The following FTO variants were observed in gnomAD, a reference collection of about 807,000 sequenced individuals.
FTO encodes the protein FTO alpha-ketoglutarate dependent dioxygenase, also known as alpha-ketoglutarate-dependent dioxygenase FTO.
Under a neutral mutation model 63.9 loss-of-function variants are expected in FTO, and 47 were observed. The observed-to-expected ratio is 0.74, with a 90% CI of 0.58 to 0.94. The LOEUF (loss-of-function observed/expected upper bound fraction) is 0.94. Among genes scored for constraint, FTO ranks in the 40% least tolerant of loss-of-function variants. The pLI, the probability that FTO is intolerant of heterozygous loss-of-function variation, is 0.00. For missense variants in FTO, 562 were observed against 618.1 expected (o/e 0.91, Z 0.96); for synonymous variants, 207 against 224.4 (o/e 0.92, Z 0.69).
rs192461236 is a variant in FTO at position 53,945,713 on chromosome 16, T to C, written c.1364+11604T>C. Among the ~76,000 whole-genome samples, 493 of 152,338 alleles carry C rather than the reference T, an allele frequency of 3.2e-3. 1 individual carries two copies. The highest frequency in any genetic ancestry group is 0.011 in the African/African-American group (465 of 41,570). ...TTTATATGCTCTGTCATTTCTTTTA[T>C]ATTGGTTACAGTCTTTTAGAAGGTG... is the stretch of plus-strand genomic sequence containing the variant. On this transcript the variant is annotated intron_variant, in intron 8 of 8. Transcript: ENST00000471389.
intron 8 of FTO, chr16:53,937,971 A>C (rs1382464956): frequency 6.6e-6 from 1 of 152,146 alleles, no homozygotes; most frequent in Non-Finnish European, 1.5e-5. Context: ...ATTATGGGAT[A>C]ATTATTCATA....
chr16:54,085,663 T>C (rs1186667335), intron 8 of FTO, among the ~76,000 whole-genome samples: 1 of 152,180 alleles, frequency 6.6e-6, no homozygotes, highest in Non-Finnish European at 1.5e-5. Flanking sequence ...GAATTTTCTG[T>C]AAGTAAGGAG....
intron 6 of FTO, among the ~76,000 whole-genome samples, chr16:53,886,649 A>G (rs1204985859): frequency 2.6e-5 from 4 of 152,204 alleles, no homozygotes; most frequent in African/African-American, 9.6e-5. Context: ...TGTTTAAACA[A>G]CTTTAACTGA....
intron 1 of FTO, among the ~76,000 whole-genome samples, chr16:53,716,940 T>C (rs1400360262): frequency 1.3e-5 from 2 of 150,982 alleles, no homozygotes; most frequent in Admixed American, 6.6e-5. Context: ...GATCTATATT[T>C]ATATAAGATA....
intron 1 of FTO, among the ~76,000 whole-genome samples, chr16:53,736,232 G>T (rs544927231): frequency 6.6e-6 from 1 of 152,174 alleles, no homozygotes; most frequent in South Asian, 2.1e-4. Flanking sequence ...ACCGAGGTAC[G>T]TCATCTGTGT....
intron 1 of FTO, among the ~76,000 whole-genome samples, chr16:53,744,834 C>CCCCT (rs1555626785): frequency 1.3e-5 from 2 of 150,990 alleles, no homozygotes; most frequent in African/African-American, 4.9e-5. Context: ...TTCCCCCCCC[C>CCCCT]CATATATGAA....
At chr16:53,726,098 C>T (rs915826204) in intron 1 of FTO, among the ~76,000 whole-genome samples, 3 of 151,990 alleles carry the variant, frequency 2.0e-5, no homozygotes, top group Non-Finnish European at 4.4e-5. Context: ...AATAAGAGCC[C>T]GAACTTAGAA....
chr16:53,856,802 A>C (rs2080013655), intron 4 of FTO, among the ~76,000 whole-genome samples: 1 of 152,090 alleles, frequency 6.6e-6, no homozygotes, highest in South Asian at 2.1e-4. Flanking sequence ...CATAAGATAC[A>C]TACCTAAAGG....
At chr16:53,888,315 T>A (rs1013561661) in intron 6 of FTO, among the ~76,000 whole-genome samples, 1 of 94,068 alleles carries the variant, frequency 1.1e-5, no homozygotes, top group African/African-American at 3.5e-5. Flanking sequence ...GGAATCCTCT[T>A]GCCTCAGCCT....
At chr16:53,709,406 T>A (rs1202334351) in intron 1 of FTO, among the ~76,000 whole-genome samples, 2 of 152,246 alleles carry the variant, frequency 1.3e-5, no homozygotes, top group African/African-American at 4.8e-5. Context: ...TGGCGTCTAC[T>A]ATTTCCTTAC....
intron 1 of FTO, among the ~76,000 whole-genome samples, chr16:53,706,464 A>G (rs1019960986): frequency 3.3e-5 from 5 of 151,994 alleles, no homozygotes; most frequent in African/African-American, 4.8e-5. Context: ...ACAACCACTG[A>G]TATGTTTTTT....
chr16:53,711,037 T>A (rs1157932064), intron 1 of FTO, among the ~76,000 whole-genome samples: 2 of 152,170 alleles, frequency 1.3e-5, no homozygotes, highest in Non-Finnish European at 2.9e-5. Flanking sequence ...GATTGAGATA[T>A]TATATAGCAC....
At chr16:54,023,283 C>G (rs2084640960) in intron 8 of FTO, among the ~76,000 whole-genome samples, 1 of 152,152 alleles carries the variant, frequency 6.6e-6, no homozygotes, top group Admixed American at 6.5e-5. Context: ...GATTGGATGT[C>G]TTTGAAGCAA....
chr16:53,883,127 AGTT>A (rs1245741578), intron 6 of FTO, among the ~76,000 whole-genome samples: 1 of 152,200 alleles, frequency 6.6e-6, no homozygotes, highest in Admixed American at 6.5e-5. Context: ...CTCAAAATGT[AGTT>A]ATTTCCTTCG....
Position 54,062,111 on chromosome 16 carries a change from G to A in FTO, c.1365-49651G>A, listed in dbSNP as rs147812421. On this transcript the variant is annotated intron_variant, in intron 8 of 8. Coordinates refer to ENST00000471389, the MANE Select transcript of FTO (RefSeq NM_001080432.3). ...TTCTGAAGGAAGCCTGCACAGGAAC[G>A]TGCAACTGGGGCTCCATTTAAAAAC... 4.2e-3 allele frequency among the ~76,000 whole-genome samples: 637 copies of A among 152,280 alleles called. 4 individuals are homozygous for A. The highest frequency in any genetic ancestry group is 0.015 in the African/African-American group (616 of 41,542).
chr16:54,094,725 C>T (rs1398742631), intron 8 of FTO, among the ~76,000 whole-genome samples: 1 of 152,196 alleles, frequency 6.6e-6, no homozygotes, highest in East Asian at 1.9e-4. Context: ...TCCCTCCCAG[C>T]CCCAGAGCTG....
rs2077020067 is a variant in FTO at position 53,760,074 on chromosome 16, T to G, written c.46-50066T>G. Among the ~76,000 whole-genome samples the G allele has an allele frequency of 2.6e-5, 4 of 152,208 alleles. 1 individual carries two copies. The South Asian group carries it at 8.3e-4, about 32-fold the overall frequency. Reference sequence around the variant, plus strand: ...CCTGTTTTCAGCTTCATGGTTGAAATGCACCTTCCTTCAGAAGTTCCTGGT... The same window carrying G: ...CCTGTTTTCAGCTTCATGGTTGAAAGGCACCTTCCTTCAGAAGTTCCTGGT... On this transcript the variant is annotated intron_variant, in intron 1 of 8. Transcript: ENST00000471389.
chr16:53,978,467 A>G (rs993397411), intron 8 of FTO, among the ~76,000 whole-genome samples: 3 of 152,188 alleles, frequency 2.0e-5, no homozygotes, highest in Admixed American at 6.5e-5. Flanking sequence ...CTCCTTCATT[A>G]TTTCAGGGCC....
intron 7 of FTO, among the ~76,000 whole-genome samples, chr16:53,908,287 T>A (rs994737884): frequency 1.3e-5 from 2 of 152,172 alleles, no homozygotes; most frequent in African/African-American, 4.8e-5. Context: ...TGCAAACTCG[T>A]AGTAAAGCCA....
Sources: allele counts gnomAD v4.1 joint callset (sites outside exome capture counted in the v4.1 genomes callset), GRCh38; gene constraint gnomAD v4.1.1; transcripts MANE v1.5; gene names NCBI Gene and HGNC (gene_info 2026-07-23, HGNC 2026-07-21).